The following ARHGEF7 variants were observed in gnomAD, a reference collection of about 807,000 sequenced individuals.
The protein encoded by ARHGEF7 is Rho guanine nucleotide exchange factor 7.
In ARHGEF7, 33 loss-of-function variants were observed where a neutral mutation model predicts 109.8. That is an observed-to-expected ratio of 0.30 (90% CI 0.23 to 0.40). The LOEUF (loss-of-function observed/expected upper bound fraction) is 0.40, where lower values mean the gene tolerates loss of function less well. Ranked by LOEUF, ARHGEF7 falls within the 10% of genes least tolerant of loss-of-function variation. ARHGEF7 has a pLI of 1.00. For synonymous variants in ARHGEF7, 458 were observed against 424.6 expected (o/e 1.08, Z -0.97); for missense variants, 938 against 1,098.5 (o/e 0.85, Z 2.07).
chr13:111,146,871 T>C (rs985505334), intron 1 of ARHGEF7, among the ~76,000 whole-genome samples: 1 of 152,186 alleles, frequency 6.6e-6, no homozygotes, highest in African/African-American at 2.4e-5. Context: ...CAAATTTTCA[T>C]ATCACACACA....
chr13:111,204,280 G>A (rs1245747716), intron 2 of ARHGEF7, among the ~76,000 whole-genome samples: 2 of 152,194 alleles, frequency 1.3e-5, no homozygotes, highest in Non-Finnish European at 2.9e-5. Flanking sequence ...TGGGGCCCTT[G>A]TCCACTGATG....
chr13:111,236,519 C>T (rs554254510), intron 6 of ARHGEF7, among the ~76,000 whole-genome samples: 1 of 152,310 alleles, frequency 6.6e-6, no homozygotes, highest in Non-Finnish European at 1.5e-5. Context: ...AGTGACTCAC[C>T]TAGAGCACTT....
At chr13:111,203,709 T>C (rs1409695324) in intron 2 of ARHGEF7, among the ~76,000 whole-genome samples, 2 of 152,242 alleles carry the variant, frequency 1.3e-5, no homozygotes, top group Non-Finnish European at 2.9e-5. Flanking sequence ...CAAAGTCTGG[T>C]TCTTCTTTAT....
chr13:111,194,393 G>C (rs150608283), intron 2 of ARHGEF7, among the ~76,000 whole-genome samples: 306 of 152,174 alleles, frequency 2.0e-3, no homozygotes, highest in Non-Finnish European at 2.8e-3. Context: ...TGGCTATCTC[G>C]CTGTATCCGG....
intron 14 of ARHGEF7, 27 bp from the exon 15 acceptor site, chr13:111,280,511 G>A (rs144438535): frequency 1.2e-5 from 19 of 1,578,752 alleles, no homozygotes; most frequent in South Asian, 4.7e-5. Context: ...GTTTCCACTC[G>A]GCCTATTTTT....
intron 2 of ARHGEF7, among the ~76,000 whole-genome samples, chr13:111,171,891 G>A (rs2077629394): frequency 6.6e-6 from 1 of 152,160 alleles, no homozygotes; most frequent in Non-Finnish European, 1.5e-5. Flanking sequence ...CTCTGCCCCC[G>A]TGCCATGTGA....
Position 111,243,888 on chromosome 13 carries a change from T to C in ARHGEF7, c.776T>C (p.Leu259Ser). The C allele has an allele frequency of 1.2e-6, 2 of 1,607,974 alleles. No homozygotes were observed. The highest frequency in any genetic ancestry group is 1.7e-6 in the Non-Finnish European group (2 of 1,175,280). The change falls in exon 7 of 22, where the codon TTA (leucine) becomes TCA (serine). Residue 259 changes from leucine to serine, a missense_variant. Physicochemically the swap from Leu to Ser is moderately radical, Grantham distance 145. Transcript: ENST00000646102. Reference sequence around the variant, plus strand: ...TTATTATAGGTGCTACAGAATATTTTAGAAACAGAAAATGAATATTCTAAA... The same window carrying C: ...TTATTATAGGTGCTACAGAATATTTCAGAAACAGAAAATGAATATTCTAAA... ...SYYNVVLQNI[L>S]ETENEYSKEL...
chr13:111,199,024 C>G (rs554403223), intron 2 of ARHGEF7, among the ~76,000 whole-genome samples: 90 of 152,302 alleles, frequency 5.9e-4, no homozygotes, highest in African/African-American at 2.1e-3. Flanking sequence ...ACACATAGTG[C>G]TGATGGGTGT....
At chr13:111,211,709 T>C (rs535797745) in intron 4 of ARHGEF7, among the ~76,000 whole-genome samples, 1 of 152,278 alleles carries the variant, frequency 6.6e-6, no homozygotes, top group African/African-American at 2.4e-5. Flanking sequence ...TTCTGTGTAG[T>C]TTATCGATAG....
intron 3 of ARHGEF7, among the ~76,000 whole-genome samples, chr13:111,208,698 T>C (rs2082161603): frequency 6.6e-6 from 1 of 152,150 alleles, no homozygotes; most frequent in Non-Finnish European, 1.5e-5. Context: ...CCCTGTGTTC[T>C]CAAGCAGAAT....
intron 1 of ARHGEF7, among the ~76,000 whole-genome samples, chr13:111,133,349 C>T (rs1343129320): frequency 2.0e-5 from 3 of 152,114 alleles, no homozygotes; most frequent in Non-Finnish European, 2.9e-5. Context: ...CACATGCACA[C>T]ACATAAACAT....
Position 111,266,310 on chromosome 13 carries a change from A to G in ARHGEF7, c.951-1238A>G, listed in dbSNP as rs1257771566. Among the ~76,000 whole-genome samples the G allele has an allele frequency of 6.6e-6, 1 of 151,780 alleles. No homozygotes were observed. The highest frequency in any genetic ancestry group is 2.4e-5 in the African/African-American group (1 of 41,324). On this transcript the variant is annotated intron_variant, in intron 8 of 21. Transcript: ENST00000646102. The surrounding 1 kb of genome is among the most constrained non-coding windows in gnomAD (Gnocchi z 4.8). ...GTGTTTCTCACTCAGAGCTCTTCGC[A>G]TCCTTGTTTCTGGGCTTCTGAATGA...
chr13:111,228,024 A>T lies in ARHGEF7; in HGVS notation c.671-5181A>T, dbSNP rs77836847. The stretch of plus-strand genomic sequence containing the variant: ...TGAGCACTGTTGTGGAAACTGAGAA[A>T]CACAGCAGTGGGAAAACCAAGAGTG... On this transcript the variant is annotated intron_variant, in intron 5 of 21. Coordinates refer to ENST00000646102, the MANE Select transcript of ARHGEF7 (RefSeq NM_001354046.2). This position sits in a 1 kb window ranked among gnomAD's most constrained non-coding sequence, Gnocchi z 4.6. Among the ~76,000 whole-genome samples, 982 of 152,338 alleles carry T rather than the reference A, an allele frequency of 6.4e-3. 15 individuals carry two copies. Among genetic ancestry groups the T allele is most frequent in the African/African-American group, 0.022 (931 of 41,566 alleles).
Position 111,142,939 on chromosome 13 carries a change from CTT to C in ARHGEF7, c.166-10965_166-10964del, listed in dbSNP as rs199807534. Among the ~76,000 whole-genome samples the C allele has an allele frequency of 9.6e-4, 147 of 152,334 alleles. 2 individuals are homozygous for C. In the East Asian group the frequency reaches 0.025, roughly 26 times the overall value. ...TAAACACAGCTTTGAAGCAAAGACT[CTT>C]GAGTGGGAAAGGCCAGGAACAAAAC... On this transcript the variant is annotated intron_variant, in intron 1 of 21. Coordinates refer to ENST00000646102, the MANE Select transcript of ARHGEF7 (RefSeq NM_001354046.2).
intron 12 of ARHGEF7, among the ~76,000 whole-genome samples, chr13:111,276,524 C>A (rs1035890388): frequency 1.3e-5 from 2 of 152,162 alleles, no homozygotes; most frequent in Non-Finnish European, 2.9e-5. Flanking sequence ...TCTGTGGAAA[C>A]ATTTCCCAAA....
intron 2 of ARHGEF7, chr13:111,203,263 AG>A (rs1436504508): frequency 2.4e-6 from 1 of 412,634 alleles, no homozygotes; most frequent in African/African-American, 2.1e-5. Context: ...TATGATGAAG[AG>A]AAATTTTATG....
At chr13:111,180,176 T>C (rs187485048) in intron 2 of ARHGEF7, among the ~76,000 whole-genome samples, 183 of 152,220 alleles carry the variant, frequency 1.2e-3, no homozygotes, top group Non-Finnish European at 1.3e-4. Flanking sequence ...AGCCCGCAAG[T>C]TGTGGGATGT....
rs2090348045 is a variant in ARHGEF7, at chr13:111,255,742, G to A, written c.950+11448G>A. Among the ~76,000 whole-genome samples, 1 of 152,188 alleles carries A rather than the reference G, an allele frequency of 6.6e-6. No homozygotes were observed. The highest frequency in any genetic ancestry group is 1.5e-5 in the Non-Finnish European group (1 of 68,028). ...CATTTCTGCAGCTTTGTCTTCACTT[G>A]ATTTCACTTTCTGCCCTTAAACTCG... On this transcript the variant is annotated intron_variant, in intron 8 of 21. Transcript: ENST00000646102. This position sits in a 1 kb window ranked among gnomAD's most constrained non-coding sequence, Gnocchi z 4.1.
intron 2 of ARHGEF7, 22 bp from the exon 3 acceptor site, chr13:111,205,267 C>T: frequency 6.3e-7 from 1 of 1,585,368 alleles, no homozygotes; most frequent in South Asian, 1.2e-5. Context: ...ACTAATTTTG[C>T]TTGTTTAATT....
Sources: allele counts gnomAD v4.1 joint callset (sites outside exome capture counted in the v4.1 genomes callset), GRCh38; gene constraint gnomAD v4.1.1; non-coding constraint Gnocchi (gnomAD v3.1); transcripts MANE v1.5; gene names NCBI Gene and HGNC (gene_info 2026-07-23, HGNC 2026-07-21).